The following PLEC variants were observed in gnomAD, a reference collection of about 807,000 sequenced individuals.
PLEC encodes hemidesmosomal protein 1.
Under a neutral mutation model 392.8 loss-of-function variants are expected in PLEC, and 216 were observed. The ratio of observed to expected loss-of-function variants is 0.55; its 90% CI spans 0.49 to 0.62. The LOEUF (loss-of-function observed/expected upper bound fraction) is 0.62. Ranked by LOEUF, PLEC falls within the 20% of genes least tolerant of loss-of-function variation. The pLI is 0.00. For missense variants in PLEC, 6,863 were observed against 6,563.4 expected (o/e 1.05, Z -1.58); for synonymous variants, 3,621 against 2,980.6 (o/e 1.21, Z -7.00).
Position 143,932,051 on chromosome 8 carries a change from C to A in PLEC, c.2083-19G>T, listed in dbSNP as rs369475484. 3 of 1,566,156 alleles carry A rather than the reference C, an allele frequency of 1.9e-6. No individual in the cohort carries two copies. In the East Asian group the frequency reaches 7.0e-5, roughly 37 times the overall value. ...GGAAGGACTGCGGGACAGCAGGTCC[C>A]GGTCAGGCCCCGCCCCGCCCCGCCT... is the stretch of plus-strand genomic sequence containing the variant. On this transcript the variant is annotated intron_variant, in intron 17 of 31. Transcript: ENST00000345136.
Position 143,924,973 on chromosome 8 carries a change from C to G in PLEC, c.4956G>C (p.Ala1652=), listed in dbSNP as rs367910889. Residue 1652 remains alanine (A), a synonymous_variant, in exon 31 of 32, where the codon GCG becomes GCC. Coordinates refer to ENST00000345136, the MANE Select transcript of PLEC (RefSeq NM_201384.3). ...CGGCCTGCGCCAGGCTCTTCTGCTGCGCCACCTCCTCCGCCTGCAGCCGCA... is the reference window on the plus strand; with the variant it reads ...CGGCCTGCGCCAGGCTCTTCTGCTGGGCCACCTCCTCCGCCTGCAGCCGCA... ...LRLRLQAEEV[A]QQKSLAQAEA... 6.3e-7 allele frequency: 1 copy of G among 1,579,212 alleles called. No individual in the cohort carries two copies. Among genetic ancestry groups the G allele is most frequent in the Admixed American group, 1.7e-5 (1 of 57,922 alleles).
chr8:143,933,060 TA>T lies in PLEC; in HGVS notation c.1469del (p.Leu490HisfsTer3). ...RLVAIRTEYN[L>X]RLKAGVAAPA... ...GGGCCGCCACGCCTGCCTTCAGCCGTAGGTTGTACTCGGTGCGGATGGCTAC... is the reference window on the plus strand; with the variant it reads ...GGGCCGCCACGCCTGCCTTCAGCCGTGGTTGTACTCGGTGCGGATGGCTAC... On this transcript the variant is annotated frameshift_variant, in exon 14 of 32. Coordinates refer to ENST00000345136, the MANE Select transcript of PLEC (RefSeq NM_201384.3). LOFTEE classifies it high-confidence loss of function. 6.3e-7 allele frequency: 1 copy of T among 1,592,100 alleles called. No homozygotes were observed. The highest frequency in any genetic ancestry group is 8.5e-7 in the Non-Finnish European group (1 of 1,170,868).
Position 143,919,763 on chromosome 8 carries a change from C to T in PLEC, c.10058G>A (p.Gly3353Asp), listed in dbSNP as rs35261863. Residue 3353 changes from glycine to aspartate, a missense_variant, in exon 32 of 32, where the codon GGC (glycine) becomes GAC (aspartate). Physicochemically the swap from Gly to Asp is moderately conservative, Grantham distance 94. Coordinates refer to ENST00000345136, the MANE Select transcript of PLEC (RefSeq NM_201384.3). ...GTAGATGCCGGCGAGGCAGCCACTG[C>T]CCTGCAGCAGCGTCCGCACGGAGCC... ...ELGSVRTLLQ[G>D]SGCLAGIYLE... 1 of 1,610,698 alleles carries T rather than the reference C, an allele frequency of 6.2e-7. No homozygotes were observed. Among genetic ancestry groups the T allele is most frequent in the Non-Finnish European group, 8.5e-7 (1 of 1,178,430 alleles).
chr8:143,933,711 C>T (rs1564139714), intron 12 of PLEC, among the ~76,000 whole-genome samples: 1 of 152,244 alleles, frequency 6.6e-6, no homozygotes, highest in Non-Finnish European at 1.5e-5. Flanking sequence ...AACCCCTCCC[C>T]TAACAGTAAG....
At chr8:143,925,949 G>A in intron 30 of PLEC, 65 bp from the exon 31 acceptor site, 1 of 1,455,856 alleles carries the variant, frequency 6.9e-7, no homozygotes, top group East Asian at 2.5e-5. Flanking sequence ...GCGCTGACGG[G>A]GCACGCACCG....
At chr8:143,953,965 C>T (rs1381308747), upstream of PLEC, 31 of 1,311,080 alleles carry the variant, frequency 2.4e-5, no homozygotes, top group South Asian at 4.2e-4. Flanking sequence ...GGCCGCACCG[C>T]GCACCCCTCC....
At chr8:143,940,823 C>A (rs1554728202), upstream of PLEC, among the ~76,000 whole-genome samples, 1 of 152,206 alleles carries the variant, frequency 6.6e-6, no homozygotes, top group Non-Finnish European at 1.5e-5. Context: ...CCACTCCACG[C>A]CAAGGGGCAC....
rs781790050 is a variant in PLEC at position 143,973,396 on chromosome 8, G to A, written c.70+7C>T. On this transcript the variant is annotated splice_region_variant and intron_variant, in intron 1 of 31. Transcript: ENST00000356346. The surrounding 1 kb of genome is among the most constrained non-coding windows in gnomAD (Gnocchi z 5.6). Reference sequence around the variant, plus strand: ...GGCCCGACAGGCAGCGGGACGGGGGGCCGTACCTTTGTACTTCTCGCGCAC... The same window carrying A: ...GGCCCGACAGGCAGCGGGACGGGGGACCGTACCTTTGTACTTCTCGCGCAC... The A allele has an allele frequency of 1.0e-5, 16 of 1,559,386 alleles. No individual in the cohort carries two copies. The Admixed American group carries it at 2.4e-4, about 24-fold the overall frequency.
rs781973277 is a variant in PLEC, at chr8:143,921,791, G to A, written c.8030C>T (p.Thr2677Ile). The part of the protein sequence containing the change: ...EELQRLAQGH[T>I]TVDELARRED... ...CCGCCGTGCGAGCTCGTCCACCGTG[G>A]TGTGGCCCTGCGCCAACCGCTGCAG... Residue 2677 changes from threonine (T) to isoleucine (I), a missense_variant, in exon 32 of 32, where the codon ACC becomes ATC. Coordinates refer to ENST00000345136, the MANE Select transcript of PLEC (RefSeq NM_201384.3). The A allele has an allele frequency of 1.1e-5, 17 of 1,610,650 alleles. No homozygotes were observed. The Middle Eastern group carries it at 2.1e-3, about 203-fold the overall frequency.
rs886044772 is a variant in PLEC, at chr8:143,923,008, C to T, written c.6921G>A (p.Leu2307=). ...TCTTCTCCTTGAGCATCTTCTCTGC[C>T]AAGGCCCGCTGCTGTGCCAGGTCCT... ...AEEDLAQQRA[L]AEKMLKEKMQ... The change falls in exon 31 of 32, where the codon TTG becomes TTA. Residue 2307 remains leucine, a synonymous_variant. Transcript: ENST00000345136. The T allele has an allele frequency of 6.2e-7, 1 of 1,611,832 alleles. No homozygotes were observed. Among genetic ancestry groups the T allele is most frequent in the Non-Finnish European group, 8.5e-7 (1 of 1,179,654 alleles).
Position 143,923,770 on chromosome 8 carries a change from T to C in PLEC, c.6159A>G (p.Ala2053=), listed in dbSNP as rs1214107170. ...CCTTCTGCTGCACCGCGAAGGCGTG[T>C]GCCTTCTCTTCCGCCTGCAGCCGCT... is the stretch of plus-strand genomic sequence containing the variant. ...AQKRLQAEEK[A]HAFAVQQKEQ... Residue 2053 remains alanine (A), a synonymous_variant, in exon 31 of 32, where the codon GCA becomes GCG. Transcript: ENST00000345136. 8.9e-6 allele frequency: 14 copies of C among 1,567,638 alleles called. No homozygotes were observed. The Admixed American group carries it at 9.0e-5, about 10-fold the overall frequency.
intron 1 of PLEC, among the ~76,000 whole-genome samples, chr8:143,971,912 C>T (rs1833448690): frequency 6.6e-6 from 1 of 152,206 alleles, no homozygotes; most frequent in African/African-American, 2.4e-5. Context: ...AGGGAGGACC[C>T]TGACAGAGGG....
At chr8:143,929,018 C>T (rs1216491124) in intron 25 of PLEC, 85 bp downstream of exon 25, 2 of 1,274,804 alleles carry the variant, frequency 1.6e-6, no homozygotes, top group Non-Finnish European at 2.2e-6. Context: ...CTCGTTCCCT[C>T]CTGCACCCTC....
intron 1 of PLEC, among the ~76,000 whole-genome samples, chr8:143,972,385 C>T (rs377290194): frequency 2.8e-4 from 42 of 152,362 alleles, no homozygotes; most frequent in African/African-American, 9.1e-4. Context: ...CAAAGAGAGC[C>T]ACAGCAGTAC....
chr8:143,920,991 G>A lies in PLEC; in HGVS notation c.8830C>T (p.Gln2944Ter). ...ACTGTGATCCGGCCCGTGCGGAACTGCCGCAGCAGGTCCCGCCGCTGCTCT... is the reference window on the plus strand; with the variant it reads ...ACTGTGATCCGGCCCGTGCGGAACTACCGCAGCAGGTCCCGCCGCTGCTCT... ...TAEQRRDLLR[Q>*]FRTGRITVEK... is the part of the protein sequence containing the mutation. The change falls in exon 32 of 32, where the codon CAG (glutamine) becomes TAG (stop). Residue 2944 changes from glutamine to a stop codon, truncating the protein, a stop_gained. Transcript: ENST00000345136. LOFTEE classifies it high-confidence loss of function. 1 of 1,613,060 alleles carries A rather than the reference G, an allele frequency of 6.2e-7. No individual in the cohort carries two copies. The highest frequency in any genetic ancestry group is 8.5e-7 in the Non-Finnish European group (1 of 1,180,024).
upstream of PLEC, chr8:143,973,615 G>GGGCGGGGCCGGGGCC (rs1271336750): frequency 1.2e-6 from 1 of 811,428 alleles, no homozygotes; most frequent in Non-Finnish European, 1.5e-6. This position sits in a 1 kb window ranked among gnomAD's most constrained non-coding sequence, Gnocchi z 5.6. Flanking sequence ...CCCACGGGCG[G>GGGCGGGGCCGGGGCC]GGCGGGGCCG....
At position 143,948,150 on chromosome 8, in the gene PLEC, C is replaced by G. The variant is rs1554733232; in HGVS notation, c.523+2034G>C. 3.3e-5 allele frequency among the ~76,000 whole-genome samples: 5 copies of G among 152,240 alleles called. 1 individual carries two copies. The highest frequency in any genetic ancestry group is 2.9e-5 in the Non-Finnish European group (2 of 68,038). On this transcript the variant is annotated intron_variant, in intron 1 of 31. Coordinates refer to the PLEC transcript ENST00000322810. ...CCCATGGGCCCCACCCAGGGACAAGCAGACCACCAGGGCACAGGGAGGGCA... is the reference window on the plus strand; with the variant it reads ...CCCATGGGCCCCACCCAGGGACAAGGAGACCACCAGGGCACAGGGAGGGCA...
chr8:143,945,350 A>T (rs1587324076), intron 1 of PLEC: 1 of 360,868 alleles, frequency 2.8e-6, no homozygotes, highest in African/African-American at 2.2e-5. Context: ...GGCTCCACCC[A>T]GGAGTCCCGA....
intron 3 of PLEC, 103 bp from the exon 4 acceptor site, chr8:143,937,345 CA>C: frequency 1.2e-6 from 1 of 820,260 alleles, no homozygotes; most frequent in South Asian, 1.4e-5. Context: ...GGGTCTTCCC[CA>C]GGGGGCAGCA....
Sources: allele counts gnomAD v4.1 joint callset (sites outside exome capture counted in the v4.1 genomes callset), GRCh38; gene constraint gnomAD v4.1.1; non-coding constraint Gnocchi (gnomAD v3.1); transcripts MANE v1.5; gene names NCBI Gene and HGNC (gene_info 2026-07-23, HGNC 2026-07-21).